The following CTPS1 variants were observed in gnomAD, a reference collection of about 807,000 sequenced individuals.
The protein encoded by CTPS1 is CTP synthase 1.
Under a neutral mutation model 80.5 loss-of-function variants are expected in CTPS1, and 25 were observed. That is an observed-to-expected ratio of 0.31 (90% CI 0.23 to 0.43). CTPS1 has a LOEUF of 0.43. Ranked by LOEUF, CTPS1 falls within the 20% of genes least tolerant of loss-of-function variation. CTPS1 has a pLI of 1.00. For missense variants in CTPS1, 442 were observed against 725.7 expected (o/e 0.61, Z 4.49); for synonymous variants, 267 against 252.5 (o/e 1.06, Z -0.54).
chr1:41,007,648 T>A lies in CTPS1; in HGVS notation c.1393+103T>A. On this transcript the variant is annotated intron_variant, in intron 14 of 18. Coordinates refer to ENST00000650070, the MANE Select transcript of CTPS1 (RefSeq NM_001905.4). This position sits in a 1 kb window ranked among gnomAD's most constrained non-coding sequence, Gnocchi z 4.4. ...CGAGGAGCAGGCTGGCTTTTTTTGG[T>A]TTCGTTCTTGCTTTTGAAGTTCATT... 1 of 904,938 alleles carries A rather than the reference T, an allele frequency of 1.1e-6. No homozygotes were observed. Among genetic ancestry groups the A allele is most frequent in the Non-Finnish European group, 1.7e-6 (1 of 572,258 alleles). 56.1% of individuals were successfully genotyped at this position (904,938 alleles called of 1,614,324 possible).
intron 4 of CTPS1, chr1:40,988,369 G>A (rs551785480): frequency 1.6e-5 from 6 of 374,782 alleles, no homozygotes; most frequent in Admixed American, 1.2e-4. Context: ...GATGTGGAAA[G>A]TTCCATAATA....
chr1:40,994,295 A>G (rs1642698486), intron 7 of CTPS1, among the ~76,000 whole-genome samples: 1 of 152,112 alleles, frequency 6.6e-6, no homozygotes, highest in Non-Finnish European at 1.5e-5. Context: ...GTAAGGGTTG[A>G]AATTTTTACA....
intron 18 of CTPS1, among the ~76,000 whole-genome samples, chr1:41,011,246 CG>C (rs1227426555): frequency 1.3e-5 from 2 of 152,194 alleles, no homozygotes; most frequent in African/African-American, 2.4e-5. Context: ...GCGTTTAACA[CG>C]GATGGACTCA....
intron 7 of CTPS1, among the ~76,000 whole-genome samples, chr1:40,993,774 C>CTTTTTTTTTTTTTTTTTTTTTTTTT (rs71278720): frequency 1.2e-5 from 1 of 85,772 alleles, no homozygotes; most frequent in Admixed American, 1.6e-4. Context: ...TTTCTTCTCT[C>CTTTTTTTTTTTTTTTTTTTTTTTTT]TTTTTTTTTT....
intron 17 of CTPS1, 27 bp from the exon 18 acceptor site, chr1:41,010,134 G>T: frequency 6.4e-7 from 1 of 1,553,664 alleles, no homozygotes; most frequent in Non-Finnish European, 8.9e-7. Context: ...GGTGGGAGAT[G>T]ATGCGTAAAC....
chr1:40,997,560 G>T, intron 9 of CTPS1, 34 bp downstream of exon 9: 1 of 1,608,176 alleles, frequency 6.2e-7, no homozygotes, highest in South Asian at 1.1e-5. Context: ...GCCAAAGGAT[G>T]AGCAGGGAAG....
chr1:40,983,957 G>A (rs4132440), intron 2 of CTPS1, among the ~76,000 whole-genome samples: 120,475 of 152,172 alleles, frequency 0.79, 47,893 homozygotes, highest in Middle Eastern at 0.84. Context: ...GTGACATACA[G>A]CTGTGGCTGT....
intron 1 of CTPS1, 27 bp from the exon 2 acceptor site, chr1:40,983,251 A>G (rs771807299): frequency 1.9e-6 from 3 of 1,594,362 alleles, no homozygotes; most frequent in Admixed American, 3.4e-5. Flanking sequence ...ATACATTTAT[A>G]TCATCTGTAA....
chr1:41,009,722 T>A, intron 17 of CTPS1, 133 bp downstream of exon 17: 1 of 1,055,506 alleles, frequency 9.5e-7, no homozygotes, highest in Non-Finnish European at 1.4e-6. Context: ...GAAAGTTTCC[T>A]CTCCTTTCCC....
chr1:40,988,308 G>A (rs141052146), intron 4 of CTPS1, among the ~76,000 whole-genome samples: 3 of 148,448 alleles, frequency 2.0e-5, no homozygotes, highest in African/African-American at 7.4e-5. Context: ...TTGTCACTGT[G>A]ATAGAGATAA....
At chr1:40,995,786 G>A (rs575592769) in intron 7 of CTPS1, 131 bp from the exon 8 acceptor site, 22 of 829,118 alleles carry the variant, frequency 2.7e-5, no homozygotes, top group Non-Finnish European at 4.1e-5. Flanking sequence ...TGTTTTAGTA[G>A]TTTATCTAGA....
At chr1:40,987,699 T>G (rs1642491073) in intron 4 of CTPS1, among the ~76,000 whole-genome samples, 1 of 152,236 alleles carries the variant, frequency 6.6e-6, no homozygotes, top group African/African-American at 2.4e-5. Flanking sequence ...GTACAATCAC[T>G]TAGTACTGAT....
chr1:41,009,433 T>A lies in CTPS1; in HGVS notation c.1547-12T>A. On this transcript the variant is annotated splice_polypyrimidine_tract_variant and intron_variant, in intron 16 of 18. Coordinates refer to ENST00000650070, the MANE Select transcript of CTPS1 (RefSeq NM_001905.4). ...TCACAATGAAGCTGTTTCTTTTGAA[T>A]CTCTATTTCAGATCATCCCTTTTTT... 6.5e-7 allele frequency: 1 copy of A among 1,544,004 alleles called. No individual in the cohort carries two copies. The highest frequency in any genetic ancestry group is 8.7e-7 in the Non-Finnish European group (1 of 1,148,874).
chr1:40,990,919 A>T (rs1642590388), intron 5 of CTPS1, among the ~76,000 whole-genome samples: 1 of 152,168 alleles, frequency 6.6e-6, no homozygotes, highest in East Asian at 1.9e-4. Context: ...TTAAGAGTTG[A>T]AGAGCGGTTG....
At chr1:40,988,088 T>A (rs1276087959) in intron 4 of CTPS1, among the ~76,000 whole-genome samples, 2 of 151,984 alleles carry the variant, frequency 1.3e-5, no homozygotes, top group Non-Finnish European at 2.9e-5. Context: ...GTTTTTGTAC[T>A]TTTTTGGGAG....
At chr1:40,989,067 C>T (rs953009623) in intron 5 of CTPS1, among the ~76,000 whole-genome samples, 1 of 152,164 alleles carries the variant, frequency 6.6e-6, no homozygotes, top group Non-Finnish European at 1.5e-5. Flanking sequence ...ATAGAACCGA[C>T]TAAGCTGACC....
intron 5 of CTPS1, among the ~76,000 whole-genome samples, chr1:40,989,893 AG>A (rs1388137770): frequency 1.3e-5 from 2 of 152,240 alleles, no homozygotes; most frequent in East Asian, 3.8e-4. Flanking sequence ...GAAATACCCA[AG>A]GAAGTACAGC....
chr1:40,994,795 T>A (rs1486060842), intron 7 of CTPS1, among the ~76,000 whole-genome samples: 1 of 152,238 alleles, frequency 6.6e-6, no homozygotes, highest in African/African-American at 2.4e-5. Context: ...AACCATGTGA[T>A]GTTTACTGTG....
In CTPS1 at chr1:41,008,660, G is replaced by T; in HGVS notation, c.1395G>T (p.Arg465Ser). 1 of 1,614,134 alleles carries T rather than the reference G, an allele frequency of 6.2e-7. No homozygotes were observed. Among genetic ancestry groups the T allele is most frequent in the Non-Finnish European group, 8.5e-7 (1 of 1,179,986 alleles). Residue 465 changes from arginine (R) to serine (S), a missense_variant and splice_region_variant, in exon 15 of 19, where the codon AGG (arginine) becomes AGT (serine). By Grantham distance (110) the Arg-to-Ser change is moderately radical. This residue lies in a region of CTPS1 where 321 missense variants were observed against 467.2 expected (regional missense o/e 0.69). Transcript: ENST00000650070. ...TLFQTKNSVM[R>S]KLYGDADYLE... The stretch of plus-strand genomic sequence containing the variant: ...CATACAGCCCGTTTGTTTTGCCAGG[G>T]AAACTCTATGGAGACGCAGACTACT...
Sources: allele counts gnomAD v4.1 joint callset (sites outside exome capture counted in the v4.1 genomes callset), GRCh38; gene constraint gnomAD v4.1.1; regional missense constraint gnomAD v4.1.1; non-coding constraint Gnocchi (gnomAD v3.1); transcripts MANE v1.5; gene names NCBI Gene and HGNC (gene_info 2026-07-23, HGNC 2026-07-21).